The following GALNT13 variants were observed in gnomAD, a reference collection of about 807,000 sequenced individuals.
The protein encoded by GALNT13 is polypeptide N-acetylgalactosaminyltransferase 13, also known as UDP-GalNAc:polypeptide N-acetylgalactosaminyltransferase 13.
A neutral mutation model predicts 64.2 loss-of-function variants in GALNT13; 28 were observed. That is an observed-to-expected ratio of 0.44 (90% confidence interval 0.32 to 0.60). GALNT13 has a LOEUF of 0.60. GALNT13 is among the 20% of genes least tolerant of loss of function. The pLI, the probability that GALNT13 is intolerant of heterozygous loss-of-function variation, is 0.05. For missense variants in GALNT13, 577 were observed against 669.8 expected, an observed-to-expected ratio of 0.86 and a Z score of 1.53; for synonymous variants, 214 against 224.6, an observed-to-expected ratio of 0.95 and a Z score of 0.42.
the GALNT13 span, among the ~76,000 whole-genome samples, chr2:153,409,333 T>TATATGTATATATTCATATGA: frequency 1.4e-5 from 2 of 139,146 alleles, no homozygotes; most frequent in Non-Finnish European, 3.2e-5. Context: ...TATTCATATG[T>TATATGTATATATTCATATGA]ATATGTATAT....
the GALNT13 span, among the ~76,000 whole-genome samples, chr2:153,585,751 G>C: frequency 6.6e-6 from 1 of 151,818 alleles, no homozygotes; most frequent in African/African-American, 2.4e-5. Context: ...GAACTATACA[G>C]ACTAGAAGAG....
chr2:153,567,097 T>C, the GALNT13 span, among the ~76,000 whole-genome samples: 2 of 152,226 alleles, frequency 1.3e-5, no homozygotes, highest in Admixed American at 1.3e-4. Context: ...CTTAACTCTA[T>C]CTTAATGCCC....
At chr2:153,921,465 G>C (rs1689750034) in intron 2 of GALNT13, among the ~76,000 whole-genome samples, 1 of 152,156 alleles carries the variant, frequency 6.6e-6, no homozygotes, top group African/African-American at 2.4e-5. Context: ...GCCTGCTTGA[G>C]GGTGGAGTCT....
intron 3 of GALNT13, among the ~76,000 whole-genome samples, chr2:153,978,313 A>G (rs1694210451): frequency 6.6e-6 from 1 of 152,180 alleles, no homozygotes; most frequent in South Asian, 2.1e-4. Flanking sequence ...GAAACCTTGA[A>G]TCATCATCTC....
At chr2:154,327,632 G>A (rs1185850307) in intron 9 of GALNT13, among the ~76,000 whole-genome samples, 1 of 151,990 alleles carries the variant, frequency 6.6e-6, no homozygotes, top group Non-Finnish European at 1.5e-5. Context: ...CTGCTTATCT[G>A]GTTTCCAGAA....
chr2:154,074,270 G>T (rs1700879765), intron 3 of GALNT13, among the ~76,000 whole-genome samples: 3 of 151,840 alleles, frequency 2.0e-5, no homozygotes, highest in Non-Finnish European at 2.9e-5. Flanking sequence ...GCTTAAAAGT[G>T]AAATGGTAGT....
the GALNT13 span, among the ~76,000 whole-genome samples, chr2:153,691,313 G>C: frequency 3.3e-5 from 5 of 152,134 alleles, no homozygotes; most frequent in African/African-American, 1.2e-4. Flanking sequence ...TTGCCGGAGA[G>C]AGAGACTGCA....
At chr2:153,741,600 A>G in the GALNT13 span, among the ~76,000 whole-genome samples, 1 of 152,028 alleles carries the variant, frequency 6.6e-6, no homozygotes, top group Non-Finnish European at 1.5e-5. Context: ...TGTTTCCCAC[A>G]TTTTATAGTA....
chr2:153,447,295 A>G, the GALNT13 span, among the ~76,000 whole-genome samples: 9 of 152,184 alleles, frequency 5.9e-5, no homozygotes, highest in African/African-American at 1.9e-4. Context: ...AGCTGGCCAA[A>G]TCCATAGCTA....
chr2:153,226,223 C>T, the GALNT13 span, among the ~76,000 whole-genome samples: 9 of 151,530 alleles, frequency 5.9e-5, no homozygotes, highest in Admixed American at 2.0e-4. Flanking sequence ...TGAGCCACCA[C>T]GCCTGGCTCC....
At position 154,177,752 on chromosome 2, in the gene GALNT13, C is replaced by T. The variant is rs987348677; in HGVS notation, c.311+37247C>T. Among the ~76,000 whole-genome samples, 21 of 152,184 alleles carry T rather than the reference C, an allele frequency of 1.4e-4. No individual in the cohort carries two copies. In the East Asian group the frequency reaches 3.9e-3, roughly 28 times the overall value. ...AATAATGCTATTTAATATATATGTA[C>T]ATACATATATGTGTGTCTACATACA... On this transcript the variant is annotated intron_variant, in intron 4 of 12. Coordinates refer to ENST00000392825, the MANE Select transcript of GALNT13 (RefSeq NM_052917.4).
intron 3 of GALNT13, among the ~76,000 whole-genome samples, chr2:153,976,122 A>G (rs546048357): frequency 6.6e-6 from 1 of 152,164 alleles, no homozygotes; most frequent in African/African-American, 2.4e-5. Context: ...ATTTTGTCTT[A>G]CGTATGTATG....
chr2:154,270,946 G>A (rs73965418), intron 8 of GALNT13, among the ~76,000 whole-genome samples: 2,606 of 151,964 alleles, frequency 0.017, 69 homozygotes, highest in African/African-American at 0.058. Flanking sequence ...TAAATAAAAC[G>A]TATCTAAATT....
intron 12 of GALNT13, among the ~76,000 whole-genome samples, chr2:154,439,935 G>A (rs1701200864): frequency 6.6e-6 from 1 of 152,092 alleles, no homozygotes; most frequent in African/African-American, 2.4e-5. Context: ...TACTCACCTT[G>A]TCTGACCACC....
At chr2:153,905,752 A>G (rs754533866) in intron 2 of GALNT13, among the ~76,000 whole-genome samples, 2 of 151,930 alleles carry the variant, frequency 1.3e-5, no homozygotes, top group Non-Finnish European at 2.9e-5. Context: ...TCCCTTTATT[A>G]TTTTCTTAAA....
At chr2:154,254,421 T>G (rs1690257715) in intron 7 of GALNT13, among the ~76,000 whole-genome samples, 1 of 152,152 alleles carries the variant, frequency 6.6e-6, no homozygotes, top group Non-Finnish European at 1.5e-5. Flanking sequence ...GAAATTAATC[T>G]GGCTATGGTT....
chr2:153,189,259 C>A, the GALNT13 span, among the ~76,000 whole-genome samples: 1 of 152,134 alleles, frequency 6.6e-6, no homozygotes, highest in Non-Finnish European at 1.5e-5. Context: ...TGGTAACTAT[C>A]ATTCTACTCT....
At chr2:154,254,324 C>T (rs974288064) in intron 7 of GALNT13, among the ~76,000 whole-genome samples, 3 of 152,156 alleles carry the variant, frequency 2.0e-5, no homozygotes, top group African/African-American at 7.2e-5. Flanking sequence ...GGCTAGATTA[C>T]TGATGCCAGG....
At chr2:154,388,610 T>C (rs906246241) in intron 9 of GALNT13, among the ~76,000 whole-genome samples, 6 of 152,196 alleles carry the variant, frequency 3.9e-5, no homozygotes, top group Non-Finnish European at 8.8e-5. Flanking sequence ...TGCATGTGGA[T>C]CTCCAGCTTT....
Sources: allele counts gnomAD v4.1 joint callset (sites outside exome capture counted in the v4.1 genomes callset), GRCh38; gene constraint gnomAD v4.1.1; transcripts MANE v1.5; gene names NCBI Gene and HGNC (gene_info 2026-07-23, HGNC 2026-07-21).